Variants in PLEC observed in about 807,000 individuals in gnomAD.
PLEC encodes plectin.
Under a neutral mutation model 392.8 loss-of-function variants are expected in PLEC, and 216 were observed. The observed-to-expected ratio is 0.55, with a 90% CI of 0.49 to 0.62. PLEC has a LOEUF of 0.62. PLEC is among the 20% of genes least tolerant of loss of function. The pLI is 0.00. For missense variants in PLEC, 6,863 were observed against 6,563.4 expected (o/e 1.05, Z -1.58); for synonymous variants, 3,621 against 2,980.6 (o/e 1.21, Z -7.00).
chr8:143,917,796 G>A lies in PLEC; in HGVS notation c.12025C>T (p.Arg4009Cys), dbSNP rs989279969. The A allele has an allele frequency of 1.2e-5, 19 of 1,613,280 alleles. No homozygotes were observed. Among genetic ancestry groups the A allele is most frequent in the Middle Eastern group, 1.6e-4 (1 of 6,084 alleles). Reference sequence around the variant, plus strand: ...GGGTCCTTGTACCCAGTGACGGCGCGCTCGGCCGACAGCAGCTTGTCCTTG... The same window carrying A: ...GGGTCCTTGTACCCAGTGACGGCGCACTCGGCCGACAGCAGCTTGTCCTTG... ...EFKDKLLSAE[R>C]AVTGYKDPYS... The change falls in exon 32 of 32, where the codon CGC becomes TGC. Residue 4009 changes from arginine to cysteine, a missense_variant. Arg to Cys is a radical substitution (Grantham distance 180). Coordinates refer to ENST00000345136, the MANE Select transcript of PLEC (RefSeq NM_201384.3).
At chr8:143,974,817 C>T (rs1044705118), upstream of PLEC, among the ~76,000 whole-genome samples, 4 of 152,242 alleles carry the variant, frequency 2.6e-5, no homozygotes, top group Admixed American at 6.5e-5. The surrounding 1 kb of genome is among the most constrained non-coding windows in gnomAD (Gnocchi z 5.9). Flanking sequence ...ACCAGGTACC[C>T]CCTCCCTATA....
rs782366376 is a variant in PLEC, at chr8:143,932,142, C to A, written c.2070G>T (p.Arg690=). 1 of 1,610,978 alleles carries A rather than the reference C, an allele frequency of 6.2e-7. No individual in the cohort carries two copies. The highest frequency in any genetic ancestry group is 8.5e-7 in the Non-Finnish European group (1 of 1,179,546). The change falls in exon 17 of 32, where the codon CGG becomes CGT. Residue 690 remains arginine (R), a synonymous_variant. Coordinates refer to ENST00000345136, the MANE Select transcript of PLEC (RefSeq NM_201384.3). The part of the protein sequence containing the change: ...DRLLREDHPA[R]PTVESFQAAL... ...CAGGGAGCCCCACCTCCACCGTGGG[C>A]CGGGCCGGGTGGTCCTCCCGCAGCA...
At chr8:143,973,626 G>GGGCCGC, upstream of PLEC, 1 of 742,776 alleles carries the variant, frequency 1.3e-6, no homozygotes, top group Non-Finnish European at 1.6e-6. The surrounding 1 kb of genome is among the most constrained non-coding windows in gnomAD (Gnocchi z 5.6). Context: ...GGCGGGGCCG[G>GGGCCGC]GGCCGCCGCG....
Position 143,925,259 on chromosome 8 carries a change from A to G in PLEC, c.4670T>C (p.Val1557Ala), listed in dbSNP as rs781993411. 49 of 1,572,180 alleles carry G rather than the reference A, an allele frequency of 3.1e-5. No individual in the cohort carries two copies. Among genetic ancestry groups the G allele is most frequent in the Non-Finnish European group, 4.2e-5 (49 of 1,169,748 alleles). ...CACCTGTACCTGCCGCGCTCGCTCC[A>G]CCTCGGCCTGCCGCAGGCGCCGCTC... ...EAERRLRQAEVERARQVQVAL... is the reference protein window; with the variant it reads ...EAERRLRQAEAERARQVQVAL... The change falls in exon 31 of 32, where the codon GTG (valine) becomes GCG (alanine). Residue 1557 changes from valine (V) to alanine (A), a missense_variant. By Grantham distance (64) the Val-to-Ala change is moderately conservative. Coordinates refer to ENST00000345136, the MANE Select transcript of PLEC (RefSeq NM_201384.3).
chr8:143,939,586 G>T lies in PLEC; in HGVS notation c.-125C>A, dbSNP rs1554726969. 3.7e-5 allele frequency: 56 copies of T among 1,507,928 alleles called. No individual in the cohort carries two copies. The highest frequency in any genetic ancestry group is 2.7e-6 in the Non-Finnish European group (3 of 1,128,500). The allele number at this position is 1,507,928 out of a possible 1,614,324, so 93.4% of individuals were successfully genotyped here. ...GAGACGCTCACTCGGCACAGGCTCA[G>T]CTCAGAGCCCCAGTCGGTGCGGCCA... On this transcript the variant is annotated 5_prime_UTR_variant, in exon 1 of 32. The change creates a new upstream start codon in the 5' untranslated region. Transcript: ENST00000345136.
chr8:143,933,957 C>CGGCCTCCCTCCCGCCCACTGCCT, intron 12 of PLEC, 41 bp downstream of exon 12: 2 of 1,533,952 alleles, frequency 1.3e-6, no homozygotes, highest in Non-Finnish European at 1.8e-6. Flanking sequence ...CAGGCTCCTC[C>CGGCCTCCCTCCCGCCCACTGCCT]GGCCTCCCTC....
chr8:143,937,086 CT>C lies in PLEC; in HGVS notation c.343-16del. 1 of 1,611,434 alleles carries C rather than the reference CT, an allele frequency of 6.2e-7. No individual in the cohort carries two copies. The highest frequency in any genetic ancestry group is 2.2e-5 in the East Asian group (1 of 44,852). ...ACCAGCTTCACCTGTGAGCGAGGGGCTCTCGGTCACGGCCCACAGGGCGGGG... is the reference window on the plus strand; with the variant it reads ...ACCAGCTTCACCTGTGAGCGAGGGGCCTCGGTCACGGCCCACAGGGCGGGG... On this transcript the variant is annotated splice_polypyrimidine_tract_variant and intron_variant, in intron 4 of 31. Coordinates refer to ENST00000345136, the MANE Select transcript of PLEC (RefSeq NM_201384.3).
rs782306993 is a variant in PLEC at position 143,922,192 on chromosome 8, C to T, written c.7629G>A (p.Gln2543=). 3.2e-6 allele frequency: 5 copies of T among 1,549,280 alleles called. No individual in the cohort carries two copies. The highest frequency in any genetic ancestry group is 1.9e-5 in the Admixed American group (1 of 51,710). Residue 2543 remains glutamine, a synonymous_variant, in exon 32 of 32, where the codon CAG becomes CAA. Coordinates refer to ENST00000345136, the MANE Select transcript of PLEC (RefSeq NM_201384.3). ...TGCTGGCCACCAGCCGCTGCCGTTC[C>T]TGCTCCATCTGCTGCTGCTGCCGCT... ...EQQRQQQQME[Q]ERQRLVASME...
rs1554668550 is a variant in PLEC at position 143,916,296 on chromosome 8, T to C, written c.13525A>G (p.Thr4509Ala). ...AAGGTCATGGAGAAGCCGGAGCCGGTGGCGTCAAAGCTGCCGCGGCGGGAG... is the reference window on the plus strand; with the variant it reads ...AAGGTCATGGAGAAGCCGGAGCCGGCGGCGTCAAAGCTGCCGCGGCGGGAG... ...AGSRRGSFDA[T>A]GSGFSMTFSS... Residue 4509 changes from threonine to alanine, a missense_variant, in exon 32 of 32, where the codon ACC becomes GCC. Transcript: ENST00000345136. 9.5e-6 allele frequency: 15 copies of C among 1,578,816 alleles called. No homozygotes were observed. The highest frequency in any genetic ancestry group is 1.2e-5 in the Non-Finnish European group (14 of 1,163,180).
upstream of PLEC, among the ~76,000 whole-genome samples, chr8:143,974,335 G>A (rs782110652): frequency 1.4e-4 from 22 of 152,246 alleles, no homozygotes; most frequent in Non-Finnish European, 3.2e-4. This position sits in a 1 kb window ranked among gnomAD's most constrained non-coding sequence, Gnocchi z 5.9. Flanking sequence ...AAGCCCAGGC[G>A]TGGGAACGAC....
upstream of PLEC, among the ~76,000 whole-genome samples, chr8:143,940,587 T>TG (rs1282294736): frequency 3.9e-5 from 6 of 152,122 alleles, no homozygotes; most frequent in African/African-American, 1.4e-4. Context: ...GGCCAGCTTC[T>TG]GGGCCTGCCC....
rs1043995728 is a variant in PLEC at position 143,939,523 on chromosome 8, C to G, written c.-62G>C. ...TCAGGCACGGTGCTCTGGGCAGCCCCGTGTGGCACACAGGCAGCTGAAGGC... is the reference window on the plus strand; with the variant it reads ...TCAGGCACGGTGCTCTGGGCAGCCCGGTGTGGCACACAGGCAGCTGAAGGC... On this transcript the variant is annotated 5_prime_UTR_variant, in exon 1 of 32. Transcript: ENST00000345136. 1.0e-5 allele frequency: 16 copies of G among 1,561,674 alleles called. No individual in the cohort carries two copies.
In PLEC at chr8:143,922,723, G is replaced by A. The variant is rs374041678; in HGVS notation, c.7206C>T (p.Asp2402=). 116 of 1,611,674 alleles carry A rather than the reference G, an allele frequency of 7.2e-5. 1 individual carries two copies. Among genetic ancestry groups the A allele is most frequent in the South Asian group, 4.5e-4 (41 of 90,836 alleles). ...CCGCCTGCTTCCGGAAGCGCTGGGCGTCCTCCTCAGCGCGGGCCTGGGCTC... is the reference window on the plus strand; with the variant it reads ...CCGCCTGCTTCCGGAAGCGCTGGGCATCCTCCTCAGCGCGGGCCTGGGCTC... ...MSRAQARAEE[D]AQRFRKQAEE... Residue 2402 remains aspartate (D), a synonymous_variant, in exon 31 of 32, where the codon GAC becomes GAT. Coordinates refer to ENST00000345136, the MANE Select transcript of PLEC (RefSeq NM_201384.3).
At position 143,925,357 on chromosome 8, in the gene PLEC, C is replaced by G; in HGVS notation, c.4572G>C (p.Glu1524Asp). ...GCTGCTTCTCGCGCGCCGCCTCGGCCTCGGCCTTCACGCGCGAGGCCAGCT... is the reference window on the plus strand; with the variant it reads ...GCTGCTTCTCGCGCGCCGCCTCGGCGTCGGCCTTCACGCGCGAGGCCAGCT... ...EVELASRVKAEAEAAREKQRA... is the reference protein window; with the variant it reads ...EVELASRVKADAEAAREKQRA... The change falls in exon 31 of 32, where the codon GAG becomes GAC. Residue 1524 changes from glutamate (E) to aspartate (D), a missense_variant. By Grantham distance (45) the Glu-to-Asp change is conservative. Coordinates refer to ENST00000345136, the MANE Select transcript of PLEC (RefSeq NM_201384.3). The G allele has an allele frequency of 6.4e-7, 1 of 1,555,344 alleles. No individual in the cohort carries two copies. Among genetic ancestry groups the G allele is most frequent in the Non-Finnish European group, 8.6e-7 (1 of 1,157,926 alleles).
At position 143,967,997 on chromosome 8, in the gene PLEC, G is replaced by A. The variant is rs192572848; in HGVS notation, c.70+5406C>T. Reference sequence around the variant, plus strand: ...ACAAAAATTAGCCAGGTGTGGTGGCGCACACATGTAATCCCAGCTACTCGG... The same window carrying A: ...ACAAAAATTAGCCAGGTGTGGTGGCACACACATGTAATCCCAGCTACTCGG... On this transcript the variant is annotated intron_variant, in intron 1 of 31. Coordinates refer to the PLEC transcript ENST00000356346. 1.3e-4 allele frequency among the ~76,000 whole-genome samples: 20 copies of A among 150,188 alleles called. No homozygotes were observed. In the East Asian group the frequency reaches 2.6e-3, roughly 20 times the overall value.
At position 143,918,547 on chromosome 8, in the gene PLEC, G is replaced by T. The variant is rs530897932; in HGVS notation, c.11274C>A (p.His3758Gln). The T allele has an allele frequency of 1.9e-6, 3 of 1,610,254 alleles. No homozygotes were observed. The highest frequency in any genetic ancestry group is 2.5e-6 in the Non-Finnish European group (3 of 1,179,236). ...CCCGCTCAGCCGAGAGCAGGCGGTCGTGCAGCTCGGGCCCCACGAGGCCCT... is the reference window on the plus strand; with the variant it reads ...CCCGCTCAGCCGAGAGCAGGCGGTCTTGCAGCTCGGGCCCCACGAGGCCCT... ...VRKGLVGPELHDRLLSAERAV... is the reference protein window; with the variant it reads ...VRKGLVGPELQDRLLSAERAV... The change falls in exon 32 of 32, where the codon CAC becomes CAA. Residue 3758 changes from histidine to glutamine, a missense_variant. His to Gln is a conservative substitution (Grantham distance 24). Transcript: ENST00000345136.
Position 143,922,545 on chromosome 8 carries a change from G to A in PLEC, c.7384C>T (p.Leu2462Phe), listed in dbSNP as rs781957718. Residue 2462 changes from leucine (L) to phenylalanine (F), a missense_variant, in exon 31 of 32, where the codon CTC becomes TTC. Transcript: ENST00000345136. ...IAELEREKEK[L>F]QQEAKLLQLK... The stretch of plus-strand genomic sequence containing the variant: ...TGCAGCAGTTTGGCCTCCTGTTGGA[G>A]CTTCTCCTTCTCACGCTCCAGCTCA... The A allele has an allele frequency of 6.2e-7, 1 of 1,612,790 alleles. No homozygotes were observed. Among genetic ancestry groups the A allele is most frequent in the Non-Finnish European group, 8.5e-7 (1 of 1,180,016 alleles).
rs912755833 is a variant in PLEC, at chr8:143,935,458, G to T, written c.603-145C>A. On this transcript the variant is annotated intron_variant, in intron 6 of 31. Coordinates refer to ENST00000345136, the MANE Select transcript of PLEC (RefSeq NM_201384.3). ...CCCTGAAAAATACACTGTCACATGG[G>T]CAGAGCTGAGAGCACCCTGCCACCC... is the stretch of plus-strand genomic sequence containing the variant. 7.1e-6 allele frequency: 5 copies of T among 702,406 alleles called. No individual in the cohort carries two copies. The Admixed American group carries it at 1.0e-4, about 14-fold the overall frequency. The allele number at this position is 702,406 out of a possible 1,614,324, so 43.5% of individuals were successfully genotyped here.
chr8:143,942,054 A>T (rs538617272), upstream of PLEC, among the ~76,000 whole-genome samples: 12 of 152,200 alleles, frequency 7.9e-5, no homozygotes, highest in Non-Finnish European at 1.8e-4. Context: ...AAGTCCACAG[A>T]AGGCCTGGAG....
Sources: allele counts gnomAD v4.1 joint callset (sites outside exome capture counted in the v4.1 genomes callset), GRCh38; gene constraint gnomAD v4.1.1; non-coding constraint Gnocchi (gnomAD v3.1); transcripts MANE v1.5; gene names NCBI Gene and HGNC (gene_info 2026-07-23, HGNC 2026-07-21).